The following RSPH14 variants were observed in gnomAD, a reference collection of about 807,000 sequenced individuals.
RSPH14 encodes the protein rhabdoid tumor deletion region gene 1.
RSPH14 carries 20 observed loss-of-function variants against 26.7 expected under a neutral mutation model. The ratio of observed to expected loss-of-function variants is 0.75; its 90% CI spans 0.53 to 1.09. The LOEUF is 1.09. RSPH14 is among the 50% of genes least tolerant of loss of function. RSPH14 has a pLI of 0.00. For synonymous variants in RSPH14, 177 were observed against 189.3 expected, an observed-to-expected ratio of 0.93 and a Z score of 0.53; for missense variants, 449 against 457.2, an observed-to-expected ratio of 0.98 and a Z score of 0.16.
chr22:23,086,634 C>T (rs758741650), intron 4 of RSPH14, among the ~76,000 whole-genome samples: 3 of 152,196 alleles, frequency 2.0e-5, no homozygotes, highest in Admixed American at 6.5e-5. Flanking sequence ...AGACCCTCCC[C>T]GGGGCCCAGC....
intron 4 of RSPH14, among the ~76,000 whole-genome samples, chr22:23,098,495 A>T (rs1388250755): frequency 6.6e-6 from 1 of 152,200 alleles, no homozygotes; most frequent in Admixed American, 6.5e-5. Context: ...CAGGGACAGC[A>T]GCCACTGGCC....
intron 4 of RSPH14, among the ~76,000 whole-genome samples, chr22:23,084,101 T>G (rs1383639501): frequency 6.6e-6 from 1 of 152,158 alleles, no homozygotes; most frequent in South Asian, 2.1e-4. Flanking sequence ...GGGTAGCTTG[T>G]CCCTACCCAT....
At chr22:23,125,486 G>A (rs953551491) in intron 4 of RSPH14, among the ~76,000 whole-genome samples, 1 of 152,110 alleles carries the variant, frequency 6.6e-6, no homozygotes, top group Admixed American at 6.5e-5. Flanking sequence ...TGGAGAGGAG[G>A]GGTCCCTGAG....
chr22:23,159,484 G>T, the RSPH14 span, among the ~76,000 whole-genome samples: 1 of 152,228 alleles, frequency 6.6e-6, no homozygotes, highest in African/African-American at 2.4e-5. Flanking sequence ...TCACGGATGG[G>T]GGAATAGTGA....
At chr22:23,066,214 G>A (rs1313056760) in intron 4 of RSPH14, among the ~76,000 whole-genome samples, 1 of 152,216 alleles carries the variant, frequency 6.6e-6, no homozygotes, top group Non-Finnish European at 1.5e-5. Flanking sequence ...GGGCTAGATT[G>A]TAGCCTCGTC....
At chr22:23,167,644 G>A in the RSPH14 span, among the ~76,000 whole-genome samples, 6 of 152,298 alleles carry the variant, frequency 3.9e-5, no homozygotes, top group Admixed American at 3.9e-4. Context: ...ACTGAATACT[G>A]AAATGGACAG....
chr22:23,119,931 C>T (rs1167442169), intron 4 of RSPH14, among the ~76,000 whole-genome samples: 2 of 152,172 alleles, frequency 1.3e-5, no homozygotes, highest in Non-Finnish European at 2.9e-5. Context: ...CATGGTTTGT[C>T]TCAAGGAATA....
intron 4 of RSPH14, among the ~76,000 whole-genome samples, chr22:23,105,559 G>C (rs1002915249): frequency 4.6e-5 from 7 of 152,228 alleles, no homozygotes; most frequent in South Asian, 4.1e-4. Flanking sequence ...GCTGAACAAA[G>C]CAAAGGCAAA....
chr22:23,074,317 A>T (rs1173368919), intron 4 of RSPH14, among the ~76,000 whole-genome samples: 6 of 152,164 alleles, frequency 3.9e-5, no homozygotes, highest in African/African-American at 1.4e-4. Context: ...CAGGGGTGGG[A>T]GCTCTGGAGG....
chr22:23,146,882 G>A (rs1004863510), upstream of RSPH14, among the ~76,000 whole-genome samples: 8 of 152,230 alleles, frequency 5.3e-5, no homozygotes, highest in African/African-American at 1.9e-4. Flanking sequence ...CTGGGCAGCA[G>A]TGTGGCCTGG....
chr22:23,075,626 G>T (rs932445750), intron 4 of RSPH14, among the ~76,000 whole-genome samples: 1 of 152,188 alleles, frequency 6.6e-6, no homozygotes, highest in Non-Finnish European at 1.5e-5. Context: ...GCTAAGAAGC[G>T]AGACTGTTAA....
chr22:23,094,019 G>GT (rs2146310356), intron 4 of RSPH14, among the ~76,000 whole-genome samples: 1 of 152,328 alleles, frequency 6.6e-6, no homozygotes, highest in Non-Finnish European at 1.5e-5. Context: ...TTTGCTGAGG[G>GT]TTTAGCAGGT....
chr22:23,161,643 G>A, the RSPH14 span: 174 of 1,266,164 alleles, frequency 1.4e-4, 4 homozygotes, highest in Middle Eastern at 7.0e-3. Flanking sequence ...GGAGACTGGA[G>A]CCCAAGCTCT....
intron 4 of RSPH14, among the ~76,000 whole-genome samples, chr22:23,118,314 C>T (rs143305628): frequency 1.3e-5 from 2 of 152,326 alleles, no homozygotes; most frequent in African/African-American, 4.8e-5. Context: ...CTGTCTGCTC[C>T]GTGTTATTTA....
At chr22:23,167,455 C>T in the RSPH14 span, among the ~76,000 whole-genome samples, 1 of 152,164 alleles carries the variant, frequency 6.6e-6, no homozygotes, top group Non-Finnish European at 1.5e-5. Flanking sequence ...TGCCTGCCTG[C>T]CTCCCCCTCC....
At chr22:23,109,342 C>T (rs1413243208) in intron 4 of RSPH14, among the ~76,000 whole-genome samples, 1 of 152,138 alleles carries the variant, frequency 6.6e-6, no homozygotes, top group African/African-American at 2.4e-5. Flanking sequence ...CCCATGGCCC[C>T]GAGCTCTGCC....
rs144062135 is a variant in RSPH14 at position 23,083,199 on chromosome 22, T to C, written c.422-19066A>G. On this transcript the variant is annotated intron_variant, in intron 4 of 6. Coordinates refer to ENST00000216036, the MANE Select transcript of RSPH14 (RefSeq NM_014433.3). ...GGTGTGATGCACATTTGAGAAATAT[T>C]TGTGGAAAGCAGAAGCAAGAGGGCT... 8.4e-3 allele frequency among the ~76,000 whole-genome samples: 1,273 copies of C among 151,944 alleles called. 10 individuals are homozygous for C. The highest frequency in any genetic ancestry group is 0.024 in the South Asian group (116 of 4,788).
chr22:23,097,299 T>A (rs1163119588), intron 4 of RSPH14, among the ~76,000 whole-genome samples: 4 of 152,236 alleles, frequency 2.6e-5, no homozygotes. Flanking sequence ...AGGTCACTCC[T>A]TGCTTCACCC....
intron 4 of RSPH14, among the ~76,000 whole-genome samples, chr22:23,099,529 G>A (rs2146327441): frequency 1.3e-5 from 2 of 152,336 alleles, no homozygotes; most frequent in South Asian, 4.1e-4. Context: ...TGATCCTGTG[G>A]GGCAGCAGCG....
Sources: gnomAD v4.1 joint callset for allele counts (sites outside exome capture counted in the v4.1 genomes callset) on GRCh38, gnomAD v4.1.1 for gene constraint, MANE v1.5 for transcripts, NCBI Gene and HGNC (gene_info 2026-07-23, HGNC 2026-07-21) for gene names.